Variants in SHCBP1L observed in about 807,000 individuals in gnomAD.
The protein encoded by SHCBP1L is testicular spindle-associated protein SHCBP1L.
In SHCBP1L, 67 loss-of-function variants were observed where a neutral mutation model predicts 62.5. The ratio of observed to expected loss-of-function variants is 1.07; its 90% CI spans 0.88 to 1.31. The LOEUF (loss-of-function observed/expected upper bound fraction) is 1.31, where lower values mean the gene tolerates loss of function less well. SHCBP1L is among the 40% of genes most tolerant of loss of function. The probability of loss-of-function intolerance (pLI) is 0.00; values close to 1 mark genes in which losing one functional copy is unlikely to be tolerated. For missense variants in SHCBP1L, 823 were observed against 809.8 expected, an observed-to-expected ratio of 1.02 and a Z score of -0.20; for synonymous variants, 284 against 289.4, an observed-to-expected ratio of 0.98 and a Z score of 0.19.
chr1:182,914,843 A>C (rs1650301934), intron 6 of SHCBP1L, among the ~76,000 whole-genome samples: 1 of 152,130 alleles, frequency 6.6e-6, no homozygotes, highest in Admixed American at 6.6e-5. Context: ...AGAAAGGATA[A>C]AGAAAAATAA....
In SHCBP1L at chr1:182,903,033, G is replaced by T; in HGVS notation, c.1710+6C>A. ...AACAATGCTACATCAAGAAATAAGA[G>T]AATACCTTCATATTAACTCCACCTA... On this transcript the variant is annotated splice_donor_region_variant and intron_variant, in intron 9 of 9. Transcript: ENST00000367547. The T allele has an allele frequency of 6.4e-7, 1 of 1,568,438 alleles. No individual in the cohort carries two copies. The highest frequency in any genetic ancestry group is 8.6e-7 in the Non-Finnish European group (1 of 1,158,792).
chr1:182,927,322 G>T (rs925055770), intron 6 of SHCBP1L, among the ~76,000 whole-genome samples: 1 of 151,810 alleles, frequency 6.6e-6, no homozygotes, highest in Non-Finnish European at 1.5e-5. Context: ...TAAGGGGTGG[G>T]TATAGAGCAA....
intron 6 of SHCBP1L, among the ~76,000 whole-genome samples, chr1:182,915,944 C>T (rs1650343868): frequency 6.6e-6 from 1 of 151,708 alleles, no homozygotes; most frequent in Non-Finnish European, 1.5e-5. Context: ...GTAGCTGGGA[C>T]CACAGGCGCC....
intron 6 of SHCBP1L, among the ~76,000 whole-genome samples, chr1:182,924,708 GAAAGAAAGAAAGAAAGAAA>G (rs1650631830): frequency 3.1e-5 from 1 of 32,224 alleles, no homozygotes; most frequent in African/African-American, 2.4e-4. Flanking sequence ...AAGGAAGAAA[GAAAGAAAGAAAGAAAGAAA>G]GAAAGAAAGA....
rs752005780 is a variant in SHCBP1L, at chr1:182,939,197, A to G, written c.1055T>C (p.Met352Thr). ...TTACCGGAGGCGTAAATCTTCCCACATTTTCAGTAATCCACAGAGCATGAC... is the reference window on the plus strand; with the variant it reads ...TTACCGGAGGCGTAAATCTTCCCACGTTTTCAGTAATCCACAGAGCATGAC... Reference protein sequence around the residue: ...EIVMLCGLLKMWEDLRLRVHG... With the variant: ...EIVMLCGLLKTWEDLRLRVHG... Residue 352 changes from methionine to threonine, a missense_variant, in exon 5 of 10, where the codon ATG becomes ACG. Coordinates refer to ENST00000367547, the MANE Select transcript of SHCBP1L (RefSeq NM_030933.4). 3.1e-6 allele frequency: 5 copies of G among 1,610,764 alleles called. No homozygotes were observed. In the East Asian group the frequency reaches 1.1e-4, roughly 36 times the overall value.
intron 5 of SHCBP1L, among the ~76,000 whole-genome samples, chr1:182,935,666 T>C (rs972028009): frequency 6.6e-6 from 1 of 152,178 alleles, no homozygotes; most frequent in Non-Finnish European, 1.5e-5. Flanking sequence ...TCTTATTGCA[T>C]TATTTAGAAC....
chr1:182,906,025 C>T (rs1650001296), intron 6 of SHCBP1L, among the ~76,000 whole-genome samples: 1 of 152,152 alleles, frequency 6.6e-6, no homozygotes, highest in African/African-American at 2.4e-5. Context: ...ACCCCTGCCT[C>T]CCGGATTCAA....
chr1:182,937,062 A>G (rs1417649202), intron 5 of SHCBP1L, among the ~76,000 whole-genome samples: 2 of 151,858 alleles, frequency 1.3e-5, no homozygotes, highest in Non-Finnish European at 2.9e-5. Context: ...TCAGAAAAAT[A>G]AATAAATAAA....
At chr1:182,927,671 C>CGAAA (rs1650819985) in intron 6 of SHCBP1L, among the ~76,000 whole-genome samples, 1 of 72,824 alleles carries the variant, frequency 1.4e-5, no homozygotes, top group African/African-American at 4.3e-5. Context: ...GACTCCGTCT[C>CGAAA]AAAAAAAAAA....
intron 6 of SHCBP1L, among the ~76,000 whole-genome samples, chr1:182,924,297 A>ATTTT (rs1216759641): frequency 5.8e-5 from 8 of 137,424 alleles, no homozygotes; most frequent in African/African-American, 2.2e-4. Flanking sequence ...AGAAGAATCA[A>ATTTT]TTTTTTTTTT....
intron 6 of SHCBP1L, among the ~76,000 whole-genome samples, chr1:182,923,241 A>AGCCT (rs1650577241): frequency 6.6e-6 from 1 of 152,184 alleles, no homozygotes; most frequent in African/African-American, 2.4e-5. Flanking sequence ...AGTAATAAAG[A>AGCCT]GCCTACCTAC....
chr1:182,904,458 A>G, intron 7 of SHCBP1L, 28 bp from the exon 8 acceptor site: 1 of 1,609,342 alleles, frequency 6.2e-7, no homozygotes, highest in East Asian at 2.2e-5. Context: ...AAATACATTA[A>G]ATCAGTAATC....
chr1:182,922,223 C>T (rs529207905), intron 6 of SHCBP1L, among the ~76,000 whole-genome samples: 1 of 152,198 alleles, frequency 6.6e-6, no homozygotes, highest in South Asian at 2.1e-4. Context: ...ACCCCACTGA[C>T]AGTATTAGAC....
chr1:182,916,770 G>C (rs1042311616), intron 6 of SHCBP1L, among the ~76,000 whole-genome samples: 1 of 152,064 alleles, frequency 6.6e-6, no homozygotes, highest in Non-Finnish European at 1.5e-5. Context: ...ACAAAGAAAA[G>C]TCCAAGATCA....
chr1:182,952,815 G>T lies in SHCBP1L; in HGVS notation c.319C>A (p.Pro107Thr). 2 of 1,612,566 alleles carry T rather than the reference G, an allele frequency of 1.2e-6. No individual in the cohort carries two copies. The highest frequency in any genetic ancestry group is 1.1e-5 in the South Asian group (1 of 90,926). ...PEDEEEAQPL[P>T]PVCVSRMRGM... ...CTCATACGGGACACGCAGACTGGGGGCAGGGGCTGCGCCTCCTCTTCATCC... is the reference window on the plus strand; with the variant it reads ...CTCATACGGGACACGCAGACTGGGGTCAGGGGCTGCGCCTCCTCTTCATCC... The change falls in exon 1 of 10, where the codon CCC (proline) becomes ACC (threonine). Residue 107 changes from proline to threonine, a missense_variant. Physicochemically the swap from Pro to Thr is conservative, Grantham distance 38. Coordinates refer to ENST00000367547, the MANE Select transcript of SHCBP1L (RefSeq NM_030933.4).
At chr1:182,913,591 A>G in intron 6 of SHCBP1L, among the ~76,000 whole-genome samples, 1 of 152,260 alleles carries the variant, frequency 6.6e-6, no homozygotes, top group East Asian at 1.9e-4. Context: ...AAATTTCATT[A>G]AAGACATGAA....
chr1:182,925,201 G>C (rs1199643220), intron 6 of SHCBP1L, among the ~76,000 whole-genome samples: 1 of 152,124 alleles, frequency 6.6e-6, no homozygotes, highest in Non-Finnish European at 1.5e-5. Context: ...AATGCTCCTA[G>C]CATCCCCTAA....
chr1:182,917,889 C>A (rs1650402366), intron 6 of SHCBP1L, among the ~76,000 whole-genome samples: 1 of 151,882 alleles, frequency 6.6e-6, no homozygotes, highest in East Asian at 1.9e-4. Context: ...CCAATAACAC[C>A]CCAAAGTATC....
chr1:182,937,850 A>G (rs973773106), intron 5 of SHCBP1L, among the ~76,000 whole-genome samples: 8 of 152,218 alleles, frequency 5.3e-5, no homozygotes, highest in Non-Finnish European at 1.0e-4. Flanking sequence ...GAATTCCAAA[A>G]TCATACCTGA....
Sources: allele counts gnomAD v4.1 joint callset (sites outside exome capture counted in the v4.1 genomes callset), GRCh38; gene constraint gnomAD v4.1.1; transcripts MANE v1.5; gene names NCBI Gene and HGNC (gene_info 2026-07-23, HGNC 2026-07-21).